MYMK: variants seen among roughly 807,000 people sequenced by gnomAD.
The protein encoded by MYMK is protein myomaker.
In MYMK, 16 loss-of-function variants were observed where a neutral mutation model predicts 22.4. The observed-to-expected ratio is 0.72, with a 90% CI of 0.48 to 1.09. The LOEUF (loss-of-function observed/expected upper bound fraction) is 1.09, where lower values mean the gene tolerates loss of function less well. Among genes scored for constraint, MYMK ranks in the 50% least tolerant of loss-of-function variants. The pLI is 0.00. For synonymous variants in MYMK, 125 were observed against 127.0 expected (o/e 0.98, Z 0.11); for missense variants, 250 against 295.6 (o/e 0.85, Z 1.13).
intron 1 of MYMK, among the ~76,000 whole-genome samples, chr9:133,521,189 A>G (rs1009469658): frequency 6.6e-6 from 1 of 152,230 alleles, no homozygotes; most frequent in African/African-American, 2.4e-5. Context: ...AAAGCAGTCA[A>G]CTACTTTTCT....
chr9:133,516,108 T>C (rs185292145), intron 3 of MYMK, among the ~76,000 whole-genome samples: 1 of 152,330 alleles, frequency 6.6e-6, no homozygotes, highest in African/African-American at 2.4e-5. Flanking sequence ...TAGACAAACT[T>C]GGCCAGCACT....
Position 133,515,746 on chromosome 9 carries a change from T to G in MYMK, c.400-139A>C. ...CAGGAGAGGAGGCTCAGGAGCCTCC[T>G]GCCGCACCCAGCCTCAGATGGCTTC... On this transcript the variant is annotated intron_variant, in intron 3 of 4. Coordinates refer to ENST00000339996, the MANE Select transcript of MYMK (RefSeq NM_001080483.3). This position sits in a 1 kb window ranked among gnomAD's most constrained non-coding sequence, Gnocchi z 5.8. The G allele has an allele frequency of 1.6e-6, 1 of 616,708 alleles. No individual in the cohort carries two copies. The allele number at this position is 616,708 out of a possible 1,614,324, so 38.2% of individuals were successfully genotyped here.
Position 133,520,419 on chromosome 9 carries a change from C to T in MYMK, c.136-131G>A, listed in dbSNP as rs1438432089. Reference sequence around the variant, plus strand: ...TGGCGAGTCACTTAATGACTGTGTGCCTCAGTCTCCCCGTCTGAAAAATGG... The same window carrying T: ...TGGCGAGTCACTTAATGACTGTGTGTCTCAGTCTCCCCGTCTGAAAAATGG... On this transcript the variant is annotated intron_variant, in intron 1 of 4. Transcript: ENST00000339996. 4 of 686,830 alleles carry T rather than the reference C, an allele frequency of 5.8e-6. No homozygotes were observed. The East Asian group carries it at 8.2e-5, about 14-fold the overall frequency. The allele number at this position is 686,830 out of a possible 1,614,324, so 42.5% of individuals were successfully genotyped here.
chr9:133,515,331 CAT>C lies in MYMK; in HGVS notation c.516+158_516+159del, dbSNP rs1338214061. Among the ~76,000 whole-genome samples, 3 of 152,226 alleles carry C rather than the reference CAT, an allele frequency of 2.0e-5. No homozygotes were observed. The highest frequency in any genetic ancestry group is 7.2e-5 in the African/African-American group (3 of 41,472). On this transcript the variant is annotated intron_variant, in intron 4 of 4. Transcript: ENST00000339996. This position sits in a 1 kb window ranked among gnomAD's most constrained non-coding sequence, Gnocchi z 5.8. ...GTGCTGGGGACGGCATTGCCCCCGA[CAT>C]AGCCCTGGGAGGGGCTAGTGAGCAG...
Position 133,520,235 on chromosome 9 carries a change from G to A in MYMK, c.189C>T (p.His63=), listed in dbSNP as rs556812036. 5 of 1,614,148 alleles carry A rather than the reference G, an allele frequency of 3.1e-6. No homozygotes were observed. Among genetic ancestry groups the A allele is most frequent in the African/African-American group, 2.7e-5 (2 of 75,042 alleles). The change falls in exon 2 of 5, where the codon CAC becomes CAT. Residue 63 remains histidine, a synonymous_variant. Transcript: ENST00000339996. ...AGACACTGAAATACTCCAGGATGTC[G>A]TGACGCATGAAGCACAGCACAGACA... The part of the protein sequence containing the change: ...PGLSVLCFMR[H]DILEYFSVYG...
intron 3 of MYMK, among the ~76,000 whole-genome samples, chr9:133,516,328 C>T (rs1844631308): frequency 6.6e-6 from 1 of 152,170 alleles, no homozygotes; most frequent in Non-Finnish European, 1.5e-5. Context: ...GAGCCTGGTC[C>T]CCTCTTGGGA....
rs116043177 is a variant in MYMK, at chr9:133,520,496, T to G, written c.136-208A>C. ...GGTCCTGTGGGGATTAAGTGGCACA[T>G]GCCAGCGAGGTGTTTAGGGGCTGGG... On this transcript the variant is annotated intron_variant, in intron 1 of 4. Coordinates refer to ENST00000339996, the MANE Select transcript of MYMK (RefSeq NM_001080483.3). Among the ~76,000 whole-genome samples, 709 of 152,340 alleles carry G rather than the reference T, an allele frequency of 4.7e-3. 4 individuals carry two copies. The highest frequency in any genetic ancestry group is 0.015 in the African/African-American group (642 of 41,588).
chr9:133,518,659 G>A (rs1844659709), intron 3 of MYMK, among the ~76,000 whole-genome samples: 2 of 152,240 alleles, frequency 1.3e-5, no homozygotes, highest in African/African-American at 2.4e-5. Flanking sequence ...CTTGGGCTCA[G>A]TCTGGAGCTG....
chr9:133,524,597 T>C, intron 1 of MYMK, 113 bp downstream of exon 1: 2 of 1,533,734 alleles, frequency 1.3e-6, no homozygotes, highest in Non-Finnish European at 8.9e-7. Flanking sequence ...TGCTGTTTCA[T>C]TTTCAAATCA....
chr9:133,522,249 G>A (rs1489112497), intron 1 of MYMK, among the ~76,000 whole-genome samples: 1 of 152,220 alleles, frequency 6.6e-6, no homozygotes, highest in Admixed American at 6.5e-5. Flanking sequence ...GCACTGGTGG[G>A]GTGGGTGCGG....
rs1240447289 is a variant in MYMK, at chr9:133,520,291, G to T, written c.136-3C>A. 1 of 1,613,534 alleles carries T rather than the reference G, an allele frequency of 6.2e-7. No individual in the cohort carries two copies. The highest frequency in any genetic ancestry group is 1.1e-5 in the South Asian group (1 of 91,052). ...GGTCCATTGCAGGCATGGTGGAGCTGCCAGAAAACCCACAGGTGGTCACAG... is the reference window on the plus strand; with the variant it reads ...GGTCCATTGCAGGCATGGTGGAGCTTCCAGAAAACCCACAGGTGGTCACAG... On this transcript the variant is annotated splice_region_variant and splice_polypyrimidine_tract_variant and intron_variant, in intron 1 of 4. Transcript: ENST00000339996.
rs1564486292 is a variant in MYMK, at chr9:133,524,728, G to A, written c.117C>T (p.Phe39=). 7.4e-6 allele frequency: 12 copies of A among 1,614,202 alleles called. No homozygotes were observed. Among genetic ancestry groups the A allele is most frequent in the Non-Finnish European group, 9.3e-6 (11 of 1,180,034 alleles). ...GACTCACCGCCACGAAGAACAGGGTGAAGAGGTAGACCATGGCCTCCATGT... is the reference window on the plus strand; with the variant it reads ...GACTCACCGCCACGAAGAACAGGGTAAAGAGGTAGACCATGGCCTCCATGT... The part of the protein sequence containing the change: ...RFHMEAMVYL[F]TLFFVALHHA... The change falls in exon 1 of 5, where the codon TTC becomes TTT. Residue 39 remains phenylalanine (F), a synonymous_variant. Coordinates refer to ENST00000339996, the MANE Select transcript of MYMK (RefSeq NM_001080483.3).
chr9:133,515,490 C>T lies in MYMK; in HGVS notation c.516+1G>A, dbSNP rs780454258. 6 of 1,605,000 alleles carry T rather than the reference C, an allele frequency of 3.7e-6. No homozygotes were observed. The highest frequency in any genetic ancestry group is 5.1e-6 in the Non-Finnish European group (6 of 1,172,086). The stretch of plus-strand genomic sequence containing the variant: ...GGACACCTCCCCGCTGGGCTTGGTA[C>T]CTCAAAGAAGAAGCGTAGCATCAGG... On this transcript the variant is annotated splice_donor_variant, in intron 4 of 4. Transcript: ENST00000339996. LOFTEE classifies it high-confidence loss of function. The surrounding 1 kb of genome is among the most constrained non-coding windows in gnomAD (Gnocchi z 5.8).
In MYMK at chr9:133,515,206, C is replaced by A. The variant is rs1017231746; in HGVS notation, c.516+285G>T. ...CCAGGTGTTGGGCACCTGCCCCAGG[C>A]GTCTCCCAGGCTGTGCTGCCGTCTG... On this transcript the variant is annotated intron_variant, in intron 4 of 4. Coordinates refer to ENST00000339996, the MANE Select transcript of MYMK (RefSeq NM_001080483.3). The surrounding 1 kb of genome is among the most constrained non-coding windows in gnomAD (Gnocchi z 5.8). 2.0e-5 allele frequency among the ~76,000 whole-genome samples: 3 copies of A among 151,676 alleles called. No individual in the cohort carries two copies. Among genetic ancestry groups the A allele is most frequent in the Non-Finnish European group, 4.4e-5 (3 of 67,916 alleles).
Position 133,518,883 on chromosome 9 carries a change from C to G in MYMK, c.390G>C (p.Ala130=), listed in dbSNP as rs375607901. 1.2e-6 allele frequency: 2 copies of G among 1,612,592 alleles called. No individual in the cohort carries two copies. The highest frequency in any genetic ancestry group is 1.3e-5 in the African/African-American group (1 of 75,010). The part of the protein sequence containing the change: ...GPIGTAILII[A]AKWLQKMKEK... ...CTCGCGCAGTACGCACCCACTTTGC[C>G]GCGATGATGAGGATGGCTGTGCCGA... Residue 130 remains alanine (A), a synonymous_variant, in exon 3 of 5, where the codon GCG becomes GCC. Transcript: ENST00000339996.
chr9:133,519,125 T>G, intron 2 of MYMK, 103 bp from the exon 3 acceptor site: 2 of 1,339,490 alleles, frequency 1.5e-6, no homozygotes, highest in South Asian at 1.3e-5. Context: ...GTAGATGCCC[T>G]CTCTCGGTGT....
chr9:133,523,141 C>T (rs892555624), intron 1 of MYMK, among the ~76,000 whole-genome samples: 5 of 152,236 alleles, frequency 3.3e-5, no homozygotes, highest in Non-Finnish European at 7.3e-5. Context: ...TCGCTCCCAG[C>T]CCACACGTGC....
At chr9:133,523,677 T>C (rs1396102111) in intron 1 of MYMK, among the ~76,000 whole-genome samples, 3 of 83,794 alleles carry the variant, frequency 3.6e-5, no homozygotes, top group East Asian at 3.3e-4. Context: ...GATAGAGAGA[T>C]AGATGGAGAG....
chr9:133,523,078 C>A (rs1844721736), intron 1 of MYMK, among the ~76,000 whole-genome samples: 1 of 152,218 alleles, frequency 6.6e-6, no homozygotes, highest in South Asian at 2.1e-4. Flanking sequence ...AAGGACCCAG[C>A]CTGTCCCAGG....
Sources: allele counts gnomAD v4.1 joint callset (sites outside exome capture counted in the v4.1 genomes callset), GRCh38; gene constraint gnomAD v4.1.1; non-coding constraint Gnocchi (gnomAD v3.1); transcripts MANE v1.5; gene names NCBI Gene and HGNC (gene_info 2026-07-23, HGNC 2026-07-21).